Variants in AFAP1 observed in about 807,000 individuals in gnomAD.
AFAP1 encodes the protein actin filament associated protein 1.
A neutral mutation model predicts 93.9 loss-of-function variants in AFAP1; 75 were observed. The ratio of observed to expected loss-of-function variants is 0.80; its 90% confidence interval spans 0.66 to 0.97. AFAP1 has a LOEUF of 0.97. Among genes scored for constraint, AFAP1 ranks in the 50% least tolerant of loss-of-function variants. AFAP1 has a pLI of 0.00. For synonymous variants in AFAP1, 517 were observed against 430.7 expected (o/e 1.20, Z -2.48); for missense variants, 1,201 against 1,050.8 (o/e 1.14, Z -1.98).
At chr4:7,836,620 G>C (rs1052028350) in intron 6 of AFAP1, among the ~76,000 whole-genome samples, 5 of 152,120 alleles carry the variant, frequency 3.3e-5, no homozygotes, top group African/African-American at 9.7e-5. Flanking sequence ...CTGATTTTCT[G>C]TATCTTTTAG....
intron 1 of AFAP1, among the ~76,000 whole-genome samples, chr4:7,882,035 G>A (rs1717882079): frequency 6.6e-6 from 1 of 152,040 alleles, no homozygotes; most frequent in South Asian, 2.1e-4. Context: ...TCATCTTGTT[G>A]GAACTTCACT....
chr4:7,891,743 TA>T (rs778916445), intron 1 of AFAP1, among the ~76,000 whole-genome samples: 1,084 of 62,794 alleles, frequency 0.017, 10 homozygotes, highest in African/African-American at 0.044. Context: ...ATGGTCTCAT[TA>T]AAAAAAAAAA....
At chr4:7,803,420 A>T (rs1719227945) in intron 9 of AFAP1, among the ~76,000 whole-genome samples, 1 of 152,248 alleles carries the variant, frequency 6.6e-6, no homozygotes, top group East Asian at 1.9e-4. Flanking sequence ...GCAGGGCAGC[A>T]GTTCCCAACC....
intron 5 of AFAP1, among the ~76,000 whole-genome samples, chr4:7,840,409 G>T (rs1712874403): frequency 1.3e-5 from 2 of 150,362 alleles, no homozygotes; most frequent in Non-Finnish European, 3.0e-5. Flanking sequence ...CCCCTCCTGG[G>T]TTCAAGCGAT....
chr4:7,799,296 GAA>G (rs1718793124), intron 10 of AFAP1: 1 of 152,718 alleles, frequency 6.5e-6, no homozygotes, highest in African/African-American at 2.4e-5. Context: ...AGCCCTGCAG[GAA>G]AAAGACAGTG....
chr4:7,887,831 A>T (rs1267384747), intron 1 of AFAP1, among the ~76,000 whole-genome samples: 4 of 148,490 alleles, frequency 2.7e-5, no homozygotes, highest in African/African-American at 9.9e-5. Context: ...ATAAAGAACA[A>T]TTTTTTTTTT....
intron 1 of AFAP1, among the ~76,000 whole-genome samples, chr4:7,915,761 G>A (rs760817391): frequency 3.5e-4 from 54 of 152,374 alleles, no homozygotes; most frequent in African/African-American, 1.1e-3. Flanking sequence ...TCACAAAGCC[G>A]CCCTGCGGCA....
chr4:7,763,193 C>G lies in AFAP1; in HGVS notation c.*572G>C, dbSNP rs114044961. 6.5e-6 allele frequency: 1 copy of G among 152,722 alleles called. No homozygotes were observed. The highest frequency in any genetic ancestry group is 2.4e-5 in the African/African-American group (1 of 41,430). The allele number at this position is 152,722 out of a possible 1,614,324, so 9.5% of individuals were successfully genotyped here. A position where few individuals can be genotyped will look rare whatever the true frequency, so the allele number is the denominator to read the frequency against. ...AAAAGGTAAAAAACGTTTCACAGCG[C>G]GATTTTCTCATGCCTTTACCTCTGA... On this transcript the variant is annotated 3_prime_UTR_variant, in exon 18 of 18. Coordinates refer to ENST00000420658, the MANE Select transcript of AFAP1 (RefSeq NM_001134647.2).
chr4:7,867,146 G>C (rs1005835658), intron 3 of AFAP1, among the ~76,000 whole-genome samples: 9 of 138,262 alleles, frequency 6.5e-5, no homozygotes, highest in Non-Finnish European at 1.3e-4. Flanking sequence ...GGGAGGGGAG[G>C]GGAGGGAACA....
chr4:7,861,874 G>A (rs1421148369), intron 3 of AFAP1: 1 of 152,252 alleles, frequency 6.6e-6, no homozygotes, highest in Non-Finnish European at 1.5e-5. Context: ...TAAATCGTGG[G>A]CTTTAGCCCC....
intron 14 of AFAP1, chr4:7,778,522 G>A (rs1286946149): frequency 7.0e-6 from 4 of 570,884 alleles, no homozygotes; most frequent in Non-Finnish European, 1.3e-5. Context: ...ATTTTAAAAT[G>A]CTGAGTCGAT....
At chr4:7,842,861 C>T (rs1054988197) in intron 5 of AFAP1, 6 of 400,770 alleles carry the variant, frequency 1.5e-5, no homozygotes, top group South Asian at 6.6e-5. Flanking sequence ...TTTCCACAGA[C>T]GCAAACCACA....
chr4:7,792,274 T>C (rs10022249), intron 11 of AFAP1, among the ~76,000 whole-genome samples: 23,128 of 151,960 alleles, frequency 0.15, 1,833 homozygotes, highest in Middle Eastern at 0.2. Flanking sequence ...TATCTTGCAC[T>C]AGGAATAGAT....
intron 6 of AFAP1, among the ~76,000 whole-genome samples, chr4:7,831,336 G>C (rs1475148949): frequency 6.9e-6 from 1 of 144,926 alleles, no homozygotes; most frequent in Non-Finnish European, 1.5e-5. Context: ...AAACTCTTTA[G>C]AAAAGATACT....
At chr4:7,776,290 C>T (rs895032334) in intron 14 of AFAP1, 18 of 152,314 alleles carry the variant, frequency 1.2e-4, no homozygotes, top group African/African-American at 4.3e-4. Flanking sequence ...ACCCACACTC[C>T]ACCCTCCCTT....
intron 1 of AFAP1, among the ~76,000 whole-genome samples, chr4:7,910,173 C>CTA (rs957180714): frequency 2.0e-5 from 3 of 152,212 alleles, no homozygotes; most frequent in African/African-American, 7.2e-5. Flanking sequence ...ATCTGCCACA[C>CTA]TCCTAGCACA....
chr4:7,849,116 G>A lies in AFAP1; in HGVS notation c.335-5766C>T, dbSNP rs188006861. ...AAGTGACAAGCAAGTGTTCTCAAGG[G>A]GACTGGAGCGCCACGCAGACCCTGC... On this transcript the variant is annotated intron_variant, in intron 4 of 17. Transcript: ENST00000420658. Among the ~76,000 whole-genome samples, 245 of 152,236 alleles carry A rather than the reference G, an allele frequency of 1.6e-3. 1 individual carries two copies. Among genetic ancestry groups the A allele is most frequent in the African/African-American group, 5.5e-3 (230 of 41,532 alleles).
intron 11 of AFAP1, among the ~76,000 whole-genome samples, chr4:7,792,916 G>A (rs904153545): frequency 6.6e-6 from 1 of 152,208 alleles, no homozygotes; most frequent in African/African-American, 2.4e-5. Context: ...ATACGGCGAA[G>A]GGCGACTATT....
At chr4:7,893,562 C>G (rs895802822) in intron 1 of AFAP1, among the ~76,000 whole-genome samples, 1 of 107,940 alleles carries the variant, frequency 9.3e-6, no homozygotes, top group African/African-American at 3.9e-5. Context: ...GCCTGGGCGA[C>G]AGAGTGGGAC....
Sources: gnomAD v4.1 joint callset for allele counts (sites outside exome capture counted in the v4.1 genomes callset) on GRCh38, gnomAD v4.1.1 for gene constraint, MANE v1.5 for transcripts, NCBI Gene and HGNC (gene_info 2026-07-23, HGNC 2026-07-21) for gene names.